TCF4: variants seen among roughly 807,000 people sequenced by gnomAD.
The protein encoded by TCF4 is transcription factor 4, also known as SL3-3 enhancer factor 2.
In TCF4, 3 loss-of-function variants were observed where a neutral mutation model predicts 82.1. The ratio of observed to expected loss-of-function variants is 0.04; its 90% confidence interval spans 0.02 to 0.09. The LOEUF is 0.09. Among genes scored for constraint, TCF4 ranks in the 10% least tolerant of loss-of-function variants. The pLI is 1.00. For missense variants in TCF4, 518 were observed against 852.7 expected (o/e 0.61, Z 4.89); for synonymous variants, 276 against 309.6 (o/e 0.89, Z 1.14).
chr18:55,294,540 T>C (rs1236885925), intron 8 of TCF4, among the ~76,000 whole-genome samples: 3 of 152,148 alleles, frequency 2.0e-5, no homozygotes, highest in Admixed American at 6.6e-5. Flanking sequence ...TCAGAAAAAC[T>C]GTCCTTTGAA....
chr18:55,442,017 A>T (rs1294410602), intron 5 of TCF4, among the ~76,000 whole-genome samples: 3 of 152,258 alleles, frequency 2.0e-5, no homozygotes, highest in African/African-American at 7.2e-5. Flanking sequence ...ATTTTCTTAT[A>T]GCACTAATGT....
At chr18:55,389,392 G>C (rs1030590500) in intron 6 of TCF4, among the ~76,000 whole-genome samples, 1 of 152,150 alleles carries the variant, frequency 6.6e-6, no homozygotes, top group African/African-American at 2.4e-5. Flanking sequence ...TGTAGACAGT[G>C]TGATGACTGT....
chr18:55,289,288 C>A (rs149848319), intron 8 of TCF4, among the ~76,000 whole-genome samples: 1 of 152,130 alleles, frequency 6.6e-6, no homozygotes, highest in Admixed American at 6.5e-5. Context: ...TAAAAGACTG[C>A]GGATGCTAAG....
Position 55,588,058 on chromosome 18 carries a change from C to A in TCF4, c.-41G>T. On this transcript the variant is annotated 5_prime_UTR_variant, in exon 1 of 20. Transcript: ENST00000354452. Reference sequence around the variant, plus strand: ...CCTACCGCCCGCGCGCGAGAAGGGGCTCTCCGTGCACCGCCGGCGCCGAGG... The same window carrying A: ...CCTACCGCCCGCGCGCGAGAAGGGGATCTCCGTGCACCGCCGGCGCCGAGG... 1.0e-6 allele frequency: 1 copy of A among 986,816 alleles called. No individual in the cohort carries two copies. Among genetic ancestry groups the A allele is most frequent in the Non-Finnish European group, 1.2e-6 (1 of 831,986 alleles). The allele number at this position is 986,816 out of a possible 1,614,324, so 61.1% of individuals were successfully genotyped here.
chr18:55,582,361 C>T, intron 3 of TCF4, among the ~76,000 whole-genome samples: 1 of 152,126 alleles, frequency 6.6e-6, no homozygotes, highest in Admixed American at 6.5e-5. Flanking sequence ...AAAAATAATT[C>T]CAGAGCCCAC....
intron 14 of TCF4, among the ~76,000 whole-genome samples, chr18:55,255,432 A>G (rs2056553048): frequency 6.6e-6 from 1 of 152,216 alleles, no homozygotes; most frequent in South Asian, 2.1e-4. Flanking sequence ...ACTATAGCAT[A>G]GAATTCGCAA....
chr18:55,330,579 T>C lies in TCF4; in HGVS notation c.549+19780A>G, dbSNP rs554040227. Among the ~76,000 whole-genome samples the C allele has an allele frequency of 5.9e-5, 9 of 152,074 alleles. No individual in the cohort carries two copies. In the South Asian group the frequency reaches 1.7e-3, roughly 28 times the overall value. ...GTATTGTGTCCACTACATTTTCTTT[T>C]TTTTTGAGACGGAGTCTCGCTCTGT... On this transcript the variant is annotated intron_variant, in intron 8 of 19. Transcript: ENST00000354452.
intron 5 of TCF4, among the ~76,000 whole-genome samples, chr18:55,417,008 T>C (rs2094547512): frequency 6.6e-6 from 1 of 152,186 alleles, no homozygotes; most frequent in South Asian, 2.1e-4. Context: ...GGACAATCCA[T>C]TATATCTGAC....
chr18:55,248,783 C>T (rs2054106556), intron 15 of TCF4, among the ~76,000 whole-genome samples: 1 of 152,132 alleles, frequency 6.6e-6, no homozygotes, highest in Admixed American at 6.5e-5. Context: ...GTCTCTCTGT[C>T]ACCCAGGCTG....
chr18:55,523,628 A>T (rs1330757803), intron 3 of TCF4, among the ~76,000 whole-genome samples: 1 of 151,968 alleles, frequency 6.6e-6, no homozygotes, highest in Non-Finnish European at 1.5e-5. Flanking sequence ...TTATTTTTTC[A>T]CTATTTGCTA....
At chr18:55,568,166 GA>G (rs202124716) in intron 3 of TCF4, among the ~76,000 whole-genome samples, 8,862 of 107,896 alleles carry the variant, frequency 0.082, 606 homozygotes, top group African/African-American at 0.21. Context: ...ACTCTATTTA[GA>G]AAAAAAAAAA....
At chr18:55,291,738 G>A (rs2065143858) in intron 8 of TCF4, among the ~76,000 whole-genome samples, 1 of 152,110 alleles carries the variant, frequency 6.6e-6, no homozygotes. Flanking sequence ...CAAACTTTTA[G>A]GTGAAATCAA....
chr18:55,459,337 C>T (rs2095829360), intron 5 of TCF4, among the ~76,000 whole-genome samples: 1 of 152,198 alleles, frequency 6.6e-6, no homozygotes, highest in South Asian at 2.1e-4. Context: ...ACAGAACAAT[C>T]ATTTAATCTG....
intron 2 of TCF4, among the ~76,000 whole-genome samples, chr18:55,605,737 C>T (rs1369253956): frequency 6.6e-6 from 1 of 152,192 alleles, no homozygotes; most frequent in African/African-American, 2.4e-5. Flanking sequence ...CACACATACT[C>T]CAAAACCTGA....
At chr18:55,628,072 A>C (rs1308826436) in intron 2 of TCF4, among the ~76,000 whole-genome samples, 1 of 152,166 alleles carries the variant, frequency 6.6e-6, no homozygotes, top group African/African-American at 2.4e-5. Context: ...ACAAACAAAC[A>C]AACAAAGAAC....
intron 8 of TCF4, among the ~76,000 whole-genome samples, chr18:55,292,528 T>C (rs1271349984): frequency 6.6e-6 from 1 of 152,158 alleles, no homozygotes; most frequent in Non-Finnish European, 1.5e-5. Flanking sequence ...TAGCATCTAG[T>C]GAGAATTTAA....
At chr18:55,486,281 G>A (rs2096513532) in intron 3 of TCF4, among the ~76,000 whole-genome samples, 1 of 152,138 alleles carries the variant, frequency 6.6e-6, no homozygotes, top group African/African-American at 2.4e-5. Context: ...CCTTGAAGCA[G>A]GACTCTTAAG....
At chr18:55,335,520 G>C (rs928242311) in intron 8 of TCF4, among the ~76,000 whole-genome samples, 1 of 152,050 alleles carries the variant, frequency 6.6e-6, no homozygotes, top group East Asian at 1.9e-4. Context: ...ATAAATGCAG[G>C]CATTCAAAAA....
At chr18:55,593,717 A>T (rs775801946) in intron 2 of TCF4, among the ~76,000 whole-genome samples, 4 of 152,154 alleles carry the variant, frequency 2.6e-5, no homozygotes, top group Non-Finnish European at 5.9e-5. Context: ...ACAAACAACA[A>T]CAAAAATTTC....
Sources: gnomAD v4.1 joint callset for allele counts (sites outside exome capture counted in the v4.1 genomes callset) on GRCh38, gnomAD v4.1.1 for gene constraint, MANE v1.5 for transcripts, NCBI Gene and HGNC (gene_info 2026-07-23, HGNC 2026-07-21) for gene names.